RNF111: variants seen among roughly 807,000 people sequenced by gnomAD.
RNF111 encodes ring finger protein 111, also known as E3 ubiquitin-protein ligase Arkadia.
In RNF111, 17 loss-of-function variants were observed where a neutral mutation model predicts 95.1. The ratio of observed to expected loss-of-function variants is 0.18; its 90% CI spans 0.12 to 0.27. The LOEUF is 0.27. Ranked by LOEUF, RNF111 falls within the 10% of genes least tolerant of loss-of-function variation. The pLI is 1.00. For missense variants in RNF111, 1,189 were observed against 1,210.4 expected (o/e 0.98, Z 0.26); for synonymous variants, 440 against 414.8 (o/e 1.06, Z -0.74).
chr15:59,060,448 AAAAAC>A (rs774829987), intron 5 of RNF111, among the ~76,000 whole-genome samples: 6 of 152,120 alleles, frequency 3.9e-5, no homozygotes, highest in Non-Finnish European at 5.9e-5. Flanking sequence ...TTTTGAAGAA[AAAAAC>A]AAAACAAAAC....
intron 6 of RNF111, among the ~76,000 whole-genome samples, chr15:59,069,733 A>G (rs1320678781): frequency 6.6e-6 from 1 of 152,150 alleles, no homozygotes; most frequent in Non-Finnish European, 1.5e-5. Context: ...GTAGGACTCT[A>G]AAATTAACCA....
chr15:59,064,574 G>GT (rs1160168963), intron 5 of RNF111, among the ~76,000 whole-genome samples: 1 of 139,758 alleles, frequency 7.2e-6, no homozygotes, highest in Admixed American at 7.2e-5. Flanking sequence ...TGTCGACTTT[G>GT]TTTTTTTGTT....
At chr15:59,070,566 A>G (rs528142998) in intron 6 of RNF111, among the ~76,000 whole-genome samples, 1 of 152,356 alleles carries the variant, frequency 6.6e-6, no homozygotes, top group African/African-American at 2.4e-5. Flanking sequence ...CATTGAAGAC[A>G]TACATTGTAT....
intron 5 of RNF111, among the ~76,000 whole-genome samples, chr15:59,060,830 C>T (rs978906163): frequency 2.0e-5 from 3 of 149,140 alleles, no homozygotes; most frequent in Non-Finnish European, 4.4e-5. Context: ...TGAGACAGGT[C>T]TGACTCTGTT....
intron 6 of RNF111, among the ~76,000 whole-genome samples, chr15:59,074,107 G>T (rs753971706): frequency 2.0e-5 from 3 of 152,122 alleles, no homozygotes; most frequent in African/African-American, 7.2e-5. Context: ...AAAATATTCA[G>T]TAAACCACGT....
In RNF111 at chr15:59,054,949, A is replaced by G. The variant is rs77715716; in HGVS notation, c.1008-733A>G. On this transcript the variant is annotated intron_variant, in intron 3 of 13. Coordinates refer to ENST00000348370, the MANE Select transcript of RNF111 (RefSeq NM_017610.8). ...GGAGCCTTAGGACTGCATATTCTACATATTATCCCTGTATGTCCTTAGTCC... is the reference window on the plus strand; with the variant it reads ...GGAGCCTTAGGACTGCATATTCTACGTATTATCCCTGTATGTCCTTAGTCC... Among the ~76,000 whole-genome samples the G allele has an allele frequency of 7.7e-3, 1,166 of 152,308 alleles. 7 individuals carry two copies. The highest frequency in any genetic ancestry group is 0.027 in the African/African-American group (1,111 of 41,574).
At chr15:59,076,247 G>C (rs763243381) in intron 7 of RNF111, 32 bp downstream of exon 7, 13 of 1,594,292 alleles carry the variant, frequency 8.2e-6, no homozygotes, top group South Asian at 4.4e-5. Flanking sequence ...ACAAAATCTA[G>C]AGTCATGTCA....
chr15:59,039,154 A>G (rs925351336), intron 2 of RNF111, among the ~76,000 whole-genome samples: 2 of 151,806 alleles, frequency 1.3e-5, no homozygotes, highest in Non-Finnish European at 1.5e-5. Flanking sequence ...AGTAGAGATG[A>G]GGTTTTTCCA....
rs1445588590 is a variant in RNF111, at chr15:59,096,726, T to C, written c.*1826T>C. ...AGTGAAGGAGTCAGTGACCTATGTC[T>C]GCCATCTTACTGGGGAAAAGAGCAA... On this transcript the variant is annotated 3_prime_UTR_variant, in exon 14 of 14. Transcript: ENST00000348370. 1 of 152,248 alleles carries C rather than the reference T, an allele frequency of 6.6e-6. No homozygotes were observed. The highest frequency in any genetic ancestry group is 1.5e-5 in the Non-Finnish European group (1 of 68,054). 9.4% of individuals were successfully genotyped at this position (152,248 alleles called of 1,614,324 possible).
At position 59,081,118 on chromosome 15, in the gene RNF111, A is replaced by C; in HGVS notation, c.2131A>C (p.Thr711Pro). The C allele has an allele frequency of 1.2e-6, 2 of 1,613,820 alleles. No homozygotes were observed. The highest frequency in any genetic ancestry group is 1.7e-6 in the Non-Finnish European group (2 of 1,179,944). ...TSHPVAPPPP[T>P]HLASTAAPIP... is the part of the protein sequence containing the mutation. ...TCATCCTGTGGCACCCCCACCACCA[A>C]CTCACTTAGCCAGTACAGCTGCACC... Residue 711 changes from threonine (T) to proline (P), a missense_variant, in exon 8 of 14, where the codon ACT (threonine) becomes CCT (proline). By Grantham distance (38) the Thr-to-Pro change is conservative. Around this residue, in one of 2 missense-constraint regions of RNF111, gnomAD observed 1,024 missense variants for 925.9 expected, o/e 1.11. Coordinates refer to ENST00000348370, the MANE Select transcript of RNF111 (RefSeq NM_017610.8).
At chr15:59,034,412 G>T (rs141684331) in intron 2 of RNF111, among the ~76,000 whole-genome samples, 1 of 152,136 alleles carries the variant, frequency 6.6e-6, no homozygotes, top group Admixed American at 6.6e-5. Flanking sequence ...TGCTAATGTC[G>T]TGATGATAAT....
At chr15:59,093,422 T>C (rs2079111635) in intron 13 of RNF111, 1 of 439,710 alleles carries the variant, frequency 2.3e-6, no homozygotes, top group Non-Finnish European at 4.5e-6. Context: ...CTCAGCTCAC[T>C]GCAACCTCCA....
At chr15:58,997,467 C>G (rs757718742) in intron 1 of RNF111, among the ~76,000 whole-genome samples, 5 of 151,506 alleles carry the variant, frequency 3.3e-5, no homozygotes, top group African/African-American at 4.9e-5. Flanking sequence ...AGACAGTGGC[C>G]AAACTGCATT....
intron 1 of RNF111, among the ~76,000 whole-genome samples, chr15:59,011,347 A>G (rs930037913): frequency 2.0e-5 from 3 of 152,252 alleles, no homozygotes; most frequent in Non-Finnish European, 4.4e-5. Flanking sequence ...CTGCTAGACT[A>G]TAACTTCCTC....
intron 1 of RNF111, chr15:59,004,054 C>T: frequency 1.9e-6 from 1 of 528,226 alleles, no homozygotes; most frequent in South Asian, 3.8e-5. Flanking sequence ...ATCCTCCTTG[C>T]CGTAGCTGAG....
intron 12 of RNF111, 78 bp downstream of exon 12, chr15:59,091,232 G>A (rs1206562276): frequency 1.3e-6 from 1 of 789,838 alleles, no homozygotes; most frequent in African/African-American, 1.7e-5. Context: ...TGAATTTGTA[G>A]ACTCTAGCAA....
At chr15:59,058,788 A>G in intron 5 of RNF111, 1 of 426,848 alleles carries the variant, frequency 2.3e-6, no homozygotes. Flanking sequence ...GGGAGAAGCA[A>G]ATGGCTGACA....
At position 59,075,861 on chromosome 15, in the gene RNF111, G is replaced by GT. The variant is rs1336442670; in HGVS notation, c.1687-86dup. On this transcript the variant is annotated intron_variant, in intron 6 of 13. Transcript: ENST00000348370. ...GGTTTCAAACTAATTTAAAGATTATGTTTTTTTGGTTATATTAGGAATACT... is the reference window on the plus strand; with the variant it reads ...GGTTTCAAACTAATTTAAAGATTATGTTTTTTTTGGTTATATTAGGAATACT... 5.7e-5 allele frequency: 76 copies of GT among 1,337,956 alleles called. No homozygotes were observed. The African/African-American group carries it at 1.1e-3, about 19-fold the overall frequency. 82.9% of individuals were successfully genotyped at this position (1,337,956 alleles called of 1,614,324 possible). A position where few individuals can be genotyped will look rare whatever the true frequency, so the allele number is the denominator to read the frequency against.
intron 5 of RNF111, among the ~76,000 whole-genome samples, chr15:59,062,990 G>C (rs914266168): frequency 9.2e-5 from 14 of 152,182 alleles, no homozygotes; most frequent in African/African-American, 2.4e-4. Flanking sequence ...GGCATTGCCA[G>C]ATACTGGGGA....
Sources: gnomAD v4.1 joint callset for allele counts (sites outside exome capture counted in the v4.1 genomes callset) on GRCh38, gnomAD v4.1.1 for gene constraint, gnomAD v4.1.1 regional missense constraint, MANE v1.5 for transcripts, NCBI Gene and HGNC (gene_info 2026-07-23, HGNC 2026-07-21) for gene names.